Variants in SOCS2 observed in about 807,000 individuals in gnomAD.
The protein encoded by SOCS2 is suppressor of cytokine signaling 2.
SOCS2 carries 10 observed loss-of-function variants against 18.6 expected under a neutral mutation model. The ratio of observed to expected loss-of-function variants is 0.54; its 90% CI spans 0.33 to 0.91. The LOEUF (loss-of-function observed/expected upper bound fraction) is 0.91. Among genes scored for constraint, SOCS2 ranks in the 40% least tolerant of loss-of-function variants. The pLI is 0.02. For synonymous variants in SOCS2, 104 were observed against 104.0 expected, an observed-to-expected ratio of 1.00 and a Z score of 0.00; for missense variants, 231 against 247.2, an observed-to-expected ratio of 0.93 and a Z score of 0.44.
intron 1 of SOCS2, 138 bp downstream of exon 1, chr12:93,573,174 C>T (rs771945802): frequency 3.2e-5 from 37 of 1,145,966 alleles, no homozygotes; most frequent in East Asian, 5.1e-5. Flanking sequence ...GGAGAGCACG[C>T]TCGCAGGGTC....
chr12:93,611,892 G>A, the SOCS2 span, among the ~76,000 whole-genome samples: 2 of 151,944 alleles, frequency 1.3e-5, no homozygotes, highest in Non-Finnish European at 1.5e-5. Flanking sequence ...CACAAAGGAG[G>A]CCTCCGTTGG....
the SOCS2 span, among the ~76,000 whole-genome samples, chr12:93,609,553 CTTA>C: frequency 8.7e-5 from 13 of 149,988 alleles, no homozygotes; most frequent in Non-Finnish European, 1.5e-4. Flanking sequence ...AATTTATTAC[CTTA>C]TTATTTACTT....
At chr12:93,585,964 T>A (rs1409930476), downstream of SOCS2, among the ~76,000 whole-genome samples, 1 of 152,246 alleles carries the variant, frequency 6.6e-6, no homozygotes, top group Non-Finnish European at 1.5e-5. Flanking sequence ...ACCTGATACA[T>A]GTAAATACTA....
the SOCS2 span, among the ~76,000 whole-genome samples, chr12:93,590,817 A>G: frequency 7.1e-6 from 1 of 141,320 alleles, no homozygotes; most frequent in East Asian, 2.1e-4. Context: ...AAAAAAAAAA[A>G]AAAAAGTTAG....
At chr12:93,585,887 A>G (rs183088250), downstream of SOCS2, among the ~76,000 whole-genome samples, 9 of 152,364 alleles carry the variant, frequency 5.9e-5, no homozygotes, top group East Asian at 1.7e-3. Flanking sequence ...GAAACGGTAT[A>G]GTATTTGCAT....
At chr12:93,614,906 G>T in the SOCS2 span, among the ~76,000 whole-genome samples, 3 of 150,234 alleles carry the variant, frequency 2.0e-5, no homozygotes, top group Non-Finnish European at 3.0e-5. Context: ...GAGCCACAGC[G>T]CCCGGCGCCT....
chr12:93,618,768 G>A, the SOCS2 span, among the ~76,000 whole-genome samples: 1 of 151,678 alleles, frequency 6.6e-6, no homozygotes, highest in East Asian at 1.9e-4. Context: ...TGTATCCAAA[G>A]CTATTATGTT....
chr12:93,576,996 C>T (rs1565843271), downstream of SOCS2, among the ~76,000 whole-genome samples: 1 of 152,304 alleles, frequency 6.6e-6, no homozygotes. Flanking sequence ...CTGACAACAC[C>T]TGTTTAGTGT....
At chr12:93,596,873 C>T in the SOCS2 span, among the ~76,000 whole-genome samples, 1 of 152,198 alleles carries the variant, frequency 6.6e-6, no homozygotes, top group Non-Finnish European at 1.5e-5. Flanking sequence ...GCAGGCCTTT[C>T]TGCCCTGCAC....
the SOCS2 span, among the ~76,000 whole-genome samples, chr12:93,590,038 GGT>G: frequency 6.6e-6 from 1 of 152,060 alleles, no homozygotes; most frequent in Non-Finnish European, 1.5e-5. Context: ...CGGATCATGA[GGT>G]CAGGAGTTCG....
At chr12:93,599,849 C>T in the SOCS2 span, among the ~76,000 whole-genome samples, 1 of 152,142 alleles carries the variant, frequency 6.6e-6, no homozygotes, top group East Asian at 1.9e-4. Context: ...GATGCTGGCA[C>T]CTAGATATTA....
the SOCS2 span, among the ~76,000 whole-genome samples, chr12:93,619,230 T>A: frequency 6.6e-6 from 1 of 152,120 alleles, no homozygotes; most frequent in Non-Finnish European, 1.5e-5. Context: ...CTGGGTAAGT[T>A]GCCCCGCTTC....
chr12:93,594,367 T>G, the SOCS2 span, among the ~76,000 whole-genome samples: 1 of 152,178 alleles, frequency 6.6e-6, no homozygotes, highest in African/African-American at 2.4e-5. Context: ...AGTACTTTCA[T>G]TTTTACAGCT....
chr12:93,617,483 A>G, the SOCS2 span, among the ~76,000 whole-genome samples: 4 of 152,132 alleles, frequency 2.6e-5, no homozygotes, highest in African/African-American at 9.7e-5. Context: ...ATTTCCTCTA[A>G]GTATATTATG....
the SOCS2 span, among the ~76,000 whole-genome samples, chr12:93,617,102 G>A: frequency 8.5e-5 from 13 of 152,200 alleles, no homozygotes; most frequent in African/African-American, 3.1e-4. Context: ...TTATATCACT[G>A]TGATATGCTA....
At chr12:93,619,347 G>A in the SOCS2 span, among the ~76,000 whole-genome samples, 2 of 152,274 alleles carry the variant, frequency 1.3e-5, no homozygotes, top group South Asian at 2.1e-4. Flanking sequence ...AGACTCTGGG[G>A]CCCCAGAACA....
chr12:93,582,678 G>A (rs146817350), intron 1 of SOCS2, among the ~76,000 whole-genome samples: 256 of 152,318 alleles, frequency 1.7e-3, no homozygotes, highest in African/African-American at 5.5e-3. Flanking sequence ...GCAAGAGGTC[G>A]CGGTGCAGCG....
chr12:93,577,884 A>T (rs1954489279), downstream of SOCS2, among the ~76,000 whole-genome samples: 1 of 152,196 alleles, frequency 6.6e-6, no homozygotes, highest in South Asian at 2.1e-4. Context: ...ACACTTGTCT[A>T]AATTATCCTC....
At chr12:93,588,277 C>G (rs1565846506), downstream of SOCS2, among the ~76,000 whole-genome samples, 1 of 152,128 alleles carries the variant, frequency 6.6e-6, no homozygotes, top group African/African-American at 2.4e-5. Flanking sequence ...ACACTTATCA[C>G]TAAACTGAAA....
Sources: gnomAD v4.1 joint callset for allele counts (sites outside exome capture counted in the v4.1 genomes callset) on GRCh38, gnomAD v4.1.1 for gene constraint, MANE v1.5 for transcripts, NCBI Gene and HGNC (gene_info 2026-07-23, HGNC 2026-07-21) for gene names.